The following ZDHHC13 variants were observed in gnomAD, a reference collection of about 807,000 sequenced individuals.
ZDHHC13 encodes the protein zDHHC palmitoyltransferase 13.
Under a neutral mutation model 86.0 loss-of-function variants are expected in ZDHHC13, and 85 were observed. That is an observed-to-expected ratio of 0.99 (90% CI 0.83 to 1.18). ZDHHC13 has a LOEUF of 1.18. Among genes scored for constraint, ZDHHC13 ranks in the 50% most tolerant of loss-of-function variants. The pLI is 0.00. For missense variants in ZDHHC13, 711 were observed against 730.2 expected, an observed-to-expected ratio of 0.97 and a Z score of 0.30; for synonymous variants, 263 against 246.4, an observed-to-expected ratio of 1.07 and a Z score of -0.63.
At chr11:19,128,026 G>A (rs1421507759) in intron 1 of ZDHHC13, among the ~76,000 whole-genome samples, 2 of 152,240 alleles carry the variant, frequency 1.3e-5, no homozygotes, top group Non-Finnish European at 2.9e-5. Context: ...CATTAAATCT[G>A]TAAATTGCTT....
At chr11:19,169,332 A>T (rs4756991) in intron 14 of ZDHHC13, 984,597 of 985,460 alleles carry the variant, frequency 1, 491,877 homozygotes, top group East Asian at 1. Context: ...CCTTAACTTG[A>T]ACCTTGATTG....
At position 19,164,338 on chromosome 11, in the gene ZDHHC13, T is replaced by A; in HGVS notation, c.1271T>A (p.Phe424Tyr). ...ITLAETGSLDFRTFCTSCLIR... is the reference protein window; with the variant it reads ...ITLAETGSLDYRTFCTSCLIR... Reference sequence around the variant, plus strand: ...CTTGCAGAAACTGGCTCTCTGGACTTCAGAACATTTTGTACATCATGTCTT... The same window carrying A: ...CTTGCAGAAACTGGCTCTCTGGACTACAGAACATTTTGTACATCATGTCTT... Residue 424 changes from phenylalanine (F) to tyrosine (Y), a missense_variant, in exon 12 of 17, where the codon TTC becomes TAC. Transcript: ENST00000446113. The A allele has an allele frequency of 6.2e-7, 1 of 1,613,270 alleles. No individual in the cohort carries two copies. The highest frequency in any genetic ancestry group is 8.5e-7 in the Non-Finnish European group (1 of 1,179,530).
Position 19,175,928 on chromosome 11 carries a change from C to G in ZDHHC13, c.1837C>G (p.Pro613Ala). ...WTSQYTMVFH[P>A]AREKVLRSV ...ATCACAGTACACCATGGTCTTTCAC[C>G]CAGCCAGGGAGAAGGTTCTTCGCTC... The change falls in exon 17 of 17, where the codon CCA becomes GCA. Residue 613 changes from proline (P) to alanine (A), a missense_variant. Pro to Ala is a conservative substitution (Grantham distance 27). Transcript: ENST00000446113. 2 of 1,610,852 alleles carry G rather than the reference C, an allele frequency of 1.2e-6. No homozygotes were observed. Among genetic ancestry groups the G allele is most frequent in the Non-Finnish European group, 1.7e-6 (2 of 1,178,830 alleles).
chr11:19,151,019 A>T (rs1399787565), intron 6 of ZDHHC13, among the ~76,000 whole-genome samples: 1 of 152,094 alleles, frequency 6.6e-6, no homozygotes, highest in African/African-American at 2.4e-5. Flanking sequence ...TTTGAAAGCT[A>T]CTAATAAGAA....
At position 19,129,862 on chromosome 11, in the gene ZDHHC13, G is replaced by A. The variant is rs182808677; in HGVS notation, c.27+12586G>A. 6.8e-3 allele frequency among the ~76,000 whole-genome samples: 1,039 copies of A among 152,268 alleles called. 7 individuals carry two copies. The highest frequency in any genetic ancestry group is 0.024 in the African/African-American group (981 of 41,546). On this transcript the variant is annotated intron_variant, in intron 1 of 16. Transcript: ENST00000446113. ...AATCCCAGCACTTTGGGAGGCCGAG[G>A]CGGGTGGATCATGAGGTCAGGAGAT...
chr11:19,159,855 C>T (rs1470572067), intron 10 of ZDHHC13, among the ~76,000 whole-genome samples: 1 of 151,804 alleles, frequency 6.6e-6, no homozygotes, highest in Non-Finnish European at 1.5e-5. Context: ...AGGTGGAAGG[C>T]ATTTTCAATC....
At chr11:19,137,425 G>C (rs930231729) in intron 1 of ZDHHC13, among the ~76,000 whole-genome samples, 2 of 151,950 alleles carry the variant, frequency 1.3e-5, no homozygotes, top group African/African-American at 4.8e-5. Flanking sequence ...AGCAAGTCCT[G>C]AGCGACCTAC....
At chr11:19,174,055 A>G (rs1850293938) in intron 16 of ZDHHC13, among the ~76,000 whole-genome samples, 1 of 152,154 alleles carries the variant, frequency 6.6e-6, no homozygotes, top group Non-Finnish European at 1.5e-5. Flanking sequence ...TCCATGAGGG[A>G]TATGTTCTAA....
rs1253707593 is a variant in ZDHHC13 at position 19,176,026 on chromosome 11, A to G, written c.*66A>G. On this transcript the variant is annotated 3_prime_UTR_variant, in exon 17 of 17. Transcript: ENST00000446113. Reference sequence around the variant, plus strand: ...TTATGTCGATGCCCTGTAGTTTGAAAGTGAAGTAAAGATTTAGAATTCACC... The same window carrying G: ...TTATGTCGATGCCCTGTAGTTTGAAGGTGAAGTAAAGATTTAGAATTCACC... 1 of 1,507,024 alleles carries G rather than the reference A, an allele frequency of 6.6e-7. No individual in the cohort carries two copies. The highest frequency in any genetic ancestry group is 8.9e-7 in the Non-Finnish European group (1 of 1,128,010). The allele number at this position is 1,507,024 out of a possible 1,614,324, so 93.4% of individuals were successfully genotyped here.
chr11:19,148,776 C>T (rs1849534488), intron 4 of ZDHHC13: 1 of 153,370 alleles, frequency 6.5e-6, no homozygotes, highest in Non-Finnish European at 1.4e-5. Context: ...ACCATCCTGG[C>T]TAACACAATG....
chr11:19,140,931 GGGGAGGGATAGCATT>G (rs1849300911), intron 1 of ZDHHC13, among the ~76,000 whole-genome samples: 1 of 113,070 alleles, frequency 8.8e-6, no homozygotes, highest in South Asian at 3.6e-4. Context: ...TGGGGGGAGG[GGGGAGGGATAGCATT>G]GGGAGATATA....
intron 1 of ZDHHC13, among the ~76,000 whole-genome samples, chr11:19,136,258 G>A (rs544015594): frequency 3.9e-5 from 6 of 152,240 alleles, no homozygotes; most frequent in East Asian, 3.9e-4. Context: ...ACCAAGGCTC[G>A]AGAACTACAT....
Position 19,176,397 on chromosome 11 carries a change from T to TA in ZDHHC13, c.*443dup, listed in dbSNP as rs1459852168. 1.3e-5 allele frequency: 2 copies of TA among 152,970 alleles called. No homozygotes were observed. Among genetic ancestry groups the TA allele is most frequent in the Non-Finnish European group, 2.9e-5 (2 of 68,330 alleles). The allele number at this position is 152,970 out of a possible 1,614,324, so 9.5% of individuals were successfully genotyped here. A position where few individuals can be genotyped will look rare whatever the true frequency, so the allele number is the denominator to read the frequency against. On this transcript the variant is annotated 3_prime_UTR_variant, in exon 17 of 17. Coordinates refer to ENST00000446113, the MANE Select transcript of ZDHHC13 (RefSeq NM_019028.3). ...GTACCTGTTTTGCTTTCACACTTAA[T>TA]AAAAAATTTTTTTTTGTAGTTGAGA...
chr11:19,126,018 G>A (rs2133363574), intron 1 of ZDHHC13, among the ~76,000 whole-genome samples: 1 of 152,232 alleles, frequency 6.6e-6, no homozygotes, highest in South Asian at 2.1e-4. Context: ...GTATACCAAA[G>A]TTAATTTTAC....
At chr11:19,163,489 A>G in intron 11 of ZDHHC13, 62 bp downstream of exon 11, 1 of 1,463,772 alleles carries the variant, frequency 6.8e-7, no homozygotes, top group East Asian at 2.5e-5. Context: ...GAAAGTTTAT[A>G]TGCACATATG....
At chr11:19,163,215 T>G in intron 10 of ZDHHC13, 88 bp from the exon 11 acceptor site, 2 of 1,403,442 alleles carry the variant, frequency 1.4e-6, no homozygotes, top group Non-Finnish European at 9.5e-7. Flanking sequence ...GAAGGTGAGA[T>G]TCTTAGGTGC....
intron 8 of ZDHHC13, among the ~76,000 whole-genome samples, chr11:19,154,908 G>T (rs554210992): frequency 6.6e-6 from 1 of 152,062 alleles, no homozygotes; most frequent in South Asian, 2.1e-4. Flanking sequence ...ATTCACTCAC[G>T]GCTTTACCAC....
rs151224775 is a variant in ZDHHC13 at position 19,166,325 on chromosome 11, A to G, written c.1414A>G (p.Ile472Val). The G allele has an allele frequency of 1.2e-6, 2 of 1,611,974 alleles. No individual in the cohort carries two copies. Among genetic ancestry groups the G allele is most frequent in the Non-Finnish European group, 8.5e-7 (1 of 1,179,364 alleles). The change falls in exon 14 of 17, where the codon ATA becomes GTA. Residue 472 changes from isoleucine to valine, a missense_variant. Coordinates refer to ENST00000446113, the MANE Select transcript of ZDHHC13 (RefSeq NM_019028.3). ...AGGTTTTGGCAACCATCACTATTAC[A>G]TATTCTTCTTGTTTTTCCTTTCCAT... The part of the protein sequence containing the change: ...CIGFGNHHYY[I>V]FFLFFLSMVC...
intron 8 of ZDHHC13, among the ~76,000 whole-genome samples, chr11:19,153,986 A>G (rs1278689013): frequency 6.6e-6 from 1 of 152,108 alleles, no homozygotes; most frequent in East Asian, 1.9e-4. Flanking sequence ...GGTTCAGCAG[A>G]TGAATCTTCT....
Sources: allele counts gnomAD v4.1 joint callset (sites outside exome capture counted in the v4.1 genomes callset), GRCh38; gene constraint gnomAD v4.1.1; transcripts MANE v1.5; gene names NCBI Gene and HGNC (gene_info 2026-07-23, HGNC 2026-07-21).